Variants in TAF1B observed in about 807,000 individuals in gnomAD.
TAF1B encodes the protein TATA box-binding protein-associated factor RNA polymerase I subunit B.
TAF1B carries 61 observed loss-of-function variants against 83.9 expected under a neutral mutation model. The ratio of observed to expected loss-of-function variants is 0.73; its 90% CI spans 0.59 to 0.90. The LOEUF is 0.90. Among genes scored for constraint, TAF1B ranks in the 40% least tolerant of loss-of-function variants. The probability of loss-of-function intolerance (pLI) is 0.00; values close to 1 mark genes in which losing one functional copy is unlikely to be tolerated. For missense variants in TAF1B, 625 were observed against 677.0 expected, an observed-to-expected ratio of 0.92 and a Z score of 0.85; for synonymous variants, 221 against 224.6, an observed-to-expected ratio of 0.98 and a Z score of 0.14.
intron 5 of TAF1B, among the ~76,000 whole-genome samples, chr2:9,867,941 AAAG>A (rs1233118434): frequency 6.6e-6 from 1 of 152,128 alleles, no homozygotes; most frequent in Non-Finnish European, 1.5e-5. Flanking sequence ...GGTTTGGTAA[AAAG>A]AAGCCAGCCA....
intron 5 of TAF1B, among the ~76,000 whole-genome samples, chr2:9,861,054 A>G (rs1663736767): frequency 6.6e-6 from 1 of 152,204 alleles, no homozygotes; most frequent in Non-Finnish European, 1.5e-5. Context: ...TGCATTTCCA[A>G]CTAAAGTACT....
At chr2:9,863,817 G>A (rs907895930) in intron 5 of TAF1B, among the ~76,000 whole-genome samples, 5 of 152,122 alleles carry the variant, frequency 3.3e-5, no homozygotes, top group Non-Finnish European at 7.4e-5. Context: ...TCAACTACAT[G>A]GAAACTGAAC....
At chr2:9,861,948 G>A (rs1294321540) in intron 5 of TAF1B, among the ~76,000 whole-genome samples, 5 of 152,124 alleles carry the variant, frequency 3.3e-5, no homozygotes, top group Admixed American at 6.5e-5. Flanking sequence ...CCATCTGTAC[G>A]TCACCATCAT....
chr2:9,926,902 C>T (rs1037700518), intron 14 of TAF1B, among the ~76,000 whole-genome samples: 3 of 150,236 alleles, frequency 2.0e-5, no homozygotes, highest in Admixed American at 6.6e-5. Context: ...ACTTTAAGTT[C>T]TAGGGTACAT....
rs752963872 is a variant in TAF1B, at chr2:9,854,319, A to C, written c.304-7A>C. The C allele has an allele frequency of 1.9e-6, 3 of 1,611,630 alleles. No individual in the cohort carries two copies. The highest frequency in any genetic ancestry group is 2.5e-6 in the Non-Finnish European group (3 of 1,177,974). On this transcript the variant is annotated splice_region_variant and splice_polypyrimidine_tract_variant and intron_variant, in intron 4 of 14. Transcript: ENST00000263663. ...ATCACCCACCACTCATTTCCCTTCCACCTTAGAACGATGTTTTACATAATT... is the reference window on the plus strand; with the variant it reads ...ATCACCCACCACTCATTTCCCTTCCCCCTTAGAACGATGTTTTACATAATT...
At chr2:9,920,339 A>AT (rs1353276357) in intron 14 of TAF1B, among the ~76,000 whole-genome samples, 1 of 152,094 alleles carries the variant, frequency 6.6e-6, no homozygotes, top group Admixed American at 6.5e-5. Context: ...AGGAGTAGGT[A>AT]TGGCATTGAT....
intron 14 of TAF1B, among the ~76,000 whole-genome samples, chr2:9,927,586 C>T (rs1346698543): frequency 6.6e-6 from 1 of 152,196 alleles, no homozygotes; most frequent in Non-Finnish European, 1.5e-5. Context: ...GATGGTATCT[C>T]ATTGTGGTTT....
At chr2:9,874,171 T>C (rs550219424) in intron 6 of TAF1B, among the ~76,000 whole-genome samples, 3 of 152,176 alleles carry the variant, frequency 2.0e-5, no homozygotes, top group Non-Finnish European at 4.4e-5. Flanking sequence ...TAGATTTACG[T>C]AGAAACTATA....
chr2:9,898,437 C>G (rs1050791423), intron 8 of TAF1B, among the ~76,000 whole-genome samples: 3 of 152,098 alleles, frequency 2.0e-5, no homozygotes, highest in African/African-American at 7.2e-5. Context: ...AGCAGATAAC[C>G]AAAGGGTCAG....
intron 8 of TAF1B, among the ~76,000 whole-genome samples, chr2:9,889,187 T>A (rs1277223429): frequency 2.0e-5 from 3 of 151,930 alleles, no homozygotes; most frequent in South Asian, 2.1e-4. Context: ...TTTGTTTAAA[T>A]TTTTTTGGCC....
At chr2:9,880,426 C>CTTTTTTTTTT (rs6146620) in intron 7 of TAF1B, among the ~76,000 whole-genome samples, 4 of 75,004 alleles carry the variant, frequency 5.3e-5, no homozygotes, top group Admixed American at 1.8e-4. Context: ...GAGTAAGCAG[C>CTTTTTTTTTT]TTTTTTTTTT....
intron 8 of TAF1B, among the ~76,000 whole-genome samples, chr2:9,892,587 C>T (rs1412284956): frequency 6.6e-6 from 1 of 152,104 alleles, no homozygotes; most frequent in Non-Finnish European, 1.5e-5. Flanking sequence ...CTAGGTTCAC[C>T]CATGGTGTCG....
chr2:9,856,583 A>G (rs896867448), intron 5 of TAF1B, among the ~76,000 whole-genome samples: 1 of 152,236 alleles, frequency 6.6e-6, no homozygotes, highest in African/African-American at 2.4e-5. Flanking sequence ...TTAAAATTTC[A>G]TATCTAAGGT....
intron 9 of TAF1B, among the ~76,000 whole-genome samples, chr2:9,905,350 G>T (rs571198023): frequency 6.6e-6 from 1 of 152,076 alleles, no homozygotes; most frequent in Non-Finnish European, 1.5e-5. Context: ...TCCCAAAACG[G>T]CACTTTTTAA....
chr2:9,919,068 C>G lies in TAF1B; in HGVS notation c.1299C>G (p.Leu433=). Residue 433 remains leucine (L), a synonymous_variant, in exon 13 of 15, where the codon CTC becomes CTG. Coordinates refer to ENST00000263663, the MANE Select transcript of TAF1B (RefSeq NM_005680.3). ...ACCTGTGGAAAAGTGAAAAGCCACT[C>G]TACTACTCATTTGTCGACAAACCAG... is the stretch of plus-strand genomic sequence containing the variant. ...AKYLWKSEKP[L]YYSFVDKPVA... 6.2e-7 allele frequency: 1 copy of G among 1,614,146 alleles called. No homozygotes were observed. Among genetic ancestry groups the G allele is most frequent in the South Asian group, 1.1e-5 (1 of 91,076 alleles).
At position 9,911,510 on chromosome 2, in the gene TAF1B, G is replaced by A. The variant is rs1665532648; in HGVS notation, c.1134-1G>A. 2.0e-6 allele frequency: 3 copies of A among 1,511,792 alleles called. No homozygotes were observed. Among genetic ancestry groups the A allele is most frequent in the Non-Finnish European group, 2.7e-6 (3 of 1,123,834 alleles). The allele number at this position is 1,511,792 out of a possible 1,614,324, so 93.6% of individuals were successfully genotyped here. ...ATTGATTTGTTTATTGTTATCTCCA[G>A]GTCTTTGTCTAATCTTGCTGAAAAG... On this transcript the variant is annotated splice_acceptor_variant, in intron 10 of 14. Coordinates refer to ENST00000263663, the MANE Select transcript of TAF1B (RefSeq NM_005680.3). LOFTEE classifies it high-confidence loss of function.
intron 1 of TAF1B, 42 bp downstream of exon 1, chr2:9,843,601 C>A: frequency 6.8e-7 from 1 of 1,476,006 alleles, no homozygotes; most frequent in South Asian, 1.3e-5. Flanking sequence ...TCGCCGGGGC[C>A]GGAGGAGAGA....
chr2:9,915,916 T>G (rs113133356), intron 12 of TAF1B, among the ~76,000 whole-genome samples: 353 of 152,364 alleles, frequency 2.3e-3, no homozygotes, highest in African/African-American at 8.0e-3. Context: ...AGACTTCTTA[T>G]GCATCCAGCA....
At chr2:9,851,874 C>T (rs1663407655) in intron 4 of TAF1B, 1 of 637,476 alleles carries the variant, frequency 1.6e-6, no homozygotes, top group East Asian at 3.3e-5. Context: ...TCTTCAGATA[C>T]TTAGGAAACA....
Sources: allele counts gnomAD v4.1 joint callset (sites outside exome capture counted in the v4.1 genomes callset), GRCh38; gene constraint gnomAD v4.1.1; transcripts MANE v1.5; gene names NCBI Gene and HGNC (gene_info 2026-07-23, HGNC 2026-07-21).